The following CCR5AS variants were observed in gnomAD, a reference collection of about 807,000 sequenced individuals.
CCR5AS encodes CCR5 antisense RNA.
chr3:46,404,698 C>T (rs1225059905), intron 1 of CCR5AS, among the ~76,000 whole-genome samples: 1 of 152,118 alleles, frequency 6.6e-6, no homozygotes, highest in Non-Finnish European at 1.5e-5. Flanking sequence ...ACCTTGGCCT[C>T]TCTTGCTGTC....
In CCR5AS at chr3:46,373,780, AC is replaced by A. The variant is rs774050135; in HGVS notation, n.392-2364del. ...CTTGGGATGACGCACTGCTGCATCA[AC>A]CCCATCATCTATGCCTTTGTCGGGG... is the stretch of plus-strand genomic sequence containing the variant. On this transcript the variant is annotated intron_variant and non_coding_transcript_variant, in intron 2 of 3. Coordinates refer to ENST00000451485, the Ensembl canonical transcript of CCR5AS. The A allele has an allele frequency of 1.8e-5, 29 of 1,613,570 alleles. 1 individual carries two copies. The Middle Eastern group carries it at 3.6e-3, about 201-fold the overall frequency.
intron 3 of CCR5AS, among the ~76,000 whole-genome samples, chr3:46,368,177 CAAAA>C (rs888113581): frequency 6.6e-6 from 1 of 152,048 alleles, no homozygotes; most frequent in Non-Finnish European, 1.5e-5. Flanking sequence ...TGTTTAAAGA[CAAAA>C]AGGCCCCAAA....
chr3:46,402,181 C>A (rs1029772955), intron 1 of CCR5AS, among the ~76,000 whole-genome samples: 2 of 152,170 alleles, frequency 1.3e-5, no homozygotes, highest in African/African-American at 4.8e-5. Context: ...ATTTCACTCC[C>A]AGTAAGTACA....
chr3:46,391,639 T>C (rs758731553), intron 2 of CCR5AS, among the ~76,000 whole-genome samples: 6 of 152,176 alleles, frequency 3.9e-5, no homozygotes, highest in Non-Finnish European at 8.8e-5. Flanking sequence ...AGCATTAACC[T>C]TGACTATGCC....
chr3:46,366,948 C>T (rs1559565454), intron 3 of CCR5AS, among the ~76,000 whole-genome samples: 2 of 152,140 alleles, frequency 1.3e-5, no homozygotes. Context: ...TGTGACACTG[C>T]TCACATGACT....
chr3:46,381,547 C>T (rs1701816965), intron 2 of CCR5AS, among the ~76,000 whole-genome samples: 2 of 152,158 alleles, frequency 1.3e-5, no homozygotes, highest in Admixed American at 1.3e-4. Context: ...ACAATTCCTC[C>T]TTTTGAAACT....
At chr3:46,381,662 T>C (rs995460739) in intron 2 of CCR5AS, among the ~76,000 whole-genome samples, 5 of 152,258 alleles carry the variant, frequency 3.3e-5, no homozygotes, top group African/African-American at 1.2e-4. Flanking sequence ...CTACTTAGGT[T>C]TACTGCCATT....
intron 1 of CCR5AS, among the ~76,000 whole-genome samples, chr3:46,394,478 C>T (rs891921184): frequency 2.6e-5 from 4 of 152,092 alleles, no homozygotes; most frequent in African/African-American, 9.7e-5. Context: ...ATTCCTGTCA[C>T]TCTACCATTT....
chr3:46,392,066 C>T (rs987344462), intron 2 of CCR5AS, among the ~76,000 whole-genome samples: 3 of 152,162 alleles, frequency 2.0e-5, no homozygotes, highest in East Asian at 1.9e-4. Context: ...ATGGATAAAT[C>T]GAAAGTGTCA....
chr3:46,372,975 G>A, intron 2 of CCR5AS: 1 of 1,613,716 alleles, frequency 6.2e-7, no homozygotes, highest in Non-Finnish European at 8.5e-7. Context: ...AAAAATCAAT[G>A]TGAAGCAAAT....
At chr3:46,389,460 G>A (rs1701892308) in intron 2 of CCR5AS, among the ~76,000 whole-genome samples, 1 of 152,204 alleles carries the variant, frequency 6.6e-6, no homozygotes, top group Non-Finnish European at 1.5e-5. Context: ...ACATGGCTGG[G>A]AGTTTGGAGG....
At chr3:46,388,148 A>C (rs1323805441) in intron 2 of CCR5AS, among the ~76,000 whole-genome samples, 1 of 152,200 alleles carries the variant, frequency 6.6e-6, no homozygotes, top group African/African-American at 2.4e-5. Context: ...TATATTAATA[A>C]GAAAAACAAA....
rs553759373 is a variant in CCR5AS, at chr3:46,390,464, C to A, written n.391+2361G>T. Among the ~76,000 whole-genome samples the A allele has an allele frequency of 1.5e-4, 23 of 152,166 alleles. No individual in the cohort carries two copies. The East Asian group carries it at 4.4e-3, about 29-fold the overall frequency. On this transcript the variant is annotated intron_variant and non_coding_transcript_variant, in intron 2 of 3. Coordinates refer to ENST00000451485, the Ensembl canonical transcript of CCR5AS. Reference sequence around the variant, plus strand: ...CTTTAAGAGGCCATGTTGAAACAGGCAGGTGATAACAGGCTTTAACCCTTT... The same window carrying A: ...CTTTAAGAGGCCATGTTGAAACAGGAAGGTGATAACAGGCTTTAACCCTTT...
At chr3:46,372,565 A>G in intron 2 of CCR5AS, 1 of 186,580 alleles carries the variant, frequency 5.4e-6, no homozygotes. Context: ...GCTGAGCTGC[A>G]CCATGCTTGA....
At chr3:46,366,055 C>G (rs1701595523) in intron 3 of CCR5AS, among the ~76,000 whole-genome samples, 1 of 152,210 alleles carries the variant, frequency 6.6e-6, no homozygotes, top group Non-Finnish European at 1.5e-5. Context: ...CACTCGCTTC[C>G]CCACCAATCC....
chr3:46,395,594 G>A (rs1009210501), intron 1 of CCR5AS, among the ~76,000 whole-genome samples: 2 of 152,292 alleles, frequency 1.3e-5, no homozygotes, highest in East Asian at 1.9e-4. Context: ...TGATGCAATC[G>A]GAATGCAGAA....
chr3:46,369,462 G>A lies in CCR5AS; in HGVS notation n.565+1782C>T, dbSNP rs41469750. Among the ~76,000 whole-genome samples the A allele has an allele frequency of 3.2e-3, 481 of 152,180 alleles. 4 individuals are homozygous for A. The highest frequency in any genetic ancestry group is 0.011 in the African/African-American group (447 of 41,496). On this transcript the variant is annotated intron_variant and non_coding_transcript_variant, in intron 3 of 3. Transcript: ENST00000451485. Reference sequence around the variant, plus strand: ...GGGCGGGGGTGGGGGTGTCTTGATCGCTGGGCTATTTCTATACTGTTCTGG... The same window carrying A: ...GGGCGGGGGTGGGGGTGTCTTGATCACTGGGCTATTTCTATACTGTTCTGG...
chr3:46,375,102 G>T (rs1701734670), intron 2 of CCR5AS: 1 of 167,118 alleles, frequency 6.0e-6, no homozygotes, highest in Non-Finnish European at 1.5e-5. Context: ...GAAGAAGATG[G>T]ATTGGTGTAA....
Position 46,374,114 on chromosome 3 carries a change from T to G in CCR5AS, n.392-2697A>C, listed in dbSNP as rs927305902. 1.0e-5 allele frequency: 5 copies of G among 485,286 alleles called. No individual in the cohort carries two copies. In the Admixed American group the frequency reaches 1.5e-4, roughly 14 times the overall value. 30.1% of individuals were successfully genotyped at this position (485,286 alleles called of 1,614,324 possible). On this transcript the variant is annotated intron_variant and non_coding_transcript_variant, in intron 2 of 3. Coordinates refer to ENST00000451485, the Ensembl canonical transcript of CCR5AS. ...AAGATTCATCCATTTATTTGGCATC[T>G]GTTTAAAGTAGATTAGATCTTTTAA... is the stretch of plus-strand genomic sequence containing the variant.
Sources: gnomAD v4.1 joint callset for allele counts (sites outside exome capture counted in the v4.1 genomes callset) on GRCh38, gnomAD v4.1.1 for gene constraint, MANE v1.5 for transcripts, NCBI Gene and HGNC (gene_info 2026-07-23, HGNC 2026-07-21) for gene names.